Variants in ZPBP observed in about 807,000 individuals in gnomAD.
ZPBP encodes zona pellucida binding protein.
In ZPBP, 26 loss-of-function variants were observed where a neutral mutation model predicts 44.8. That is an observed-to-expected ratio of 0.58 (90% CI 0.43 to 0.81). The LOEUF is 0.81. Ranked by LOEUF, ZPBP falls within the 30% of genes least tolerant of loss-of-function variation. The pLI is 0.00. For missense variants in ZPBP, 409 were observed against 434.0 expected (o/e 0.94, Z 0.51); for synonymous variants, 174 against 153.2 (o/e 1.14, Z -1.00).
At chr7:49,908,869 A>G (rs1332962166) in intron 1 of ZPBP, among the ~76,000 whole-genome samples, 1 of 152,268 alleles carries the variant, frequency 6.6e-6, no homozygotes, top group Admixed American at 6.5e-5. Flanking sequence ...AAAGACTTCA[A>G]TGTGTTGCAA....
chr7:49,867,914 A>G (rs1421309836), intron 2 of ZPBP, among the ~76,000 whole-genome samples: 1 of 151,824 alleles, frequency 6.6e-6, no homozygotes, highest in East Asian at 1.9e-4. Context: ...GCTCACTGCA[A>G]TCTCCGCCTC....
intron 2 of ZPBP, among the ~76,000 whole-genome samples, chr7:49,854,398 C>T (rs188079116): frequency 0.096 from 14,554 of 151,888 alleles, 1,992 homozygotes; most frequent in African/African-American, 0.31. Context: ...TTTTAATGAT[C>T]GCTATTCTAA....
chr7:49,998,148 C>T (rs1797935565), intron 6 of ZPBP, among the ~76,000 whole-genome samples: 1 of 152,150 alleles, frequency 6.6e-6, no homozygotes. Flanking sequence ...AAACTCCTGA[C>T]TTCGTGATCC....
chr7:49,977,101 C>CTAAA (rs376730870), intron 7 of ZPBP, among the ~76,000 whole-genome samples: 19,109 of 138,414 alleles, frequency 0.14, 1,410 homozygotes, highest in South Asian at 0.18. Context: ...GACTCCGTCT[C>CTAAA]TAAATAAATA....
chr7:50,001,506 A>G (rs1392182150), intron 6 of ZPBP, among the ~76,000 whole-genome samples: 1 of 152,196 alleles, frequency 6.6e-6, no homozygotes. Context: ...GTATCTGGTA[A>G]TGCGAGGAAC....
intron 1 of ZPBP, among the ~76,000 whole-genome samples, chr7:49,903,512 C>A (rs565374405): frequency 6.6e-6 from 1 of 152,228 alleles, no homozygotes; most frequent in South Asian, 2.1e-4. Context: ...CTATATGATT[C>A]CACTTACGTA....
At chr7:50,048,668 T>C (rs897429080) in intron 4 of ZPBP, among the ~76,000 whole-genome samples, 3 of 151,820 alleles carry the variant, frequency 2.0e-5, no homozygotes, top group East Asian at 3.9e-4. Context: ...CCAAAACCTA[T>C]GGCATGCAGG....
At chr7:49,903,896 G>A (rs951610466) in intron 1 of ZPBP, among the ~76,000 whole-genome samples, 2 of 152,100 alleles carry the variant, frequency 1.3e-5, no homozygotes, top group Non-Finnish European at 2.9e-5. Context: ...TGGCAGATGC[G>A]CTGGATTTTA....
At chr7:50,033,684 T>G (rs1168726832) in intron 4 of ZPBP, among the ~76,000 whole-genome samples, 1 of 151,294 alleles carries the variant, frequency 6.6e-6, no homozygotes. Flanking sequence ...TACAGTTTAT[T>G]TATTTATTTA....
chr7:49,942,316 G>A (rs1483088), intron 7 of ZPBP: 167,919 of 224,386 alleles, frequency 0.75, 63,166 homozygotes, highest in East Asian at 0.88. Flanking sequence ...TTTTGTTCCC[G>A]CTTGTATTTT....
intron 2 of ZPBP, among the ~76,000 whole-genome samples, chr7:49,850,921 C>A (rs1446076536): frequency 6.6e-6 from 1 of 152,210 alleles, no homozygotes; most frequent in African/African-American, 2.4e-5. Flanking sequence ...GATTGTGGCA[C>A]CAGGCTCCAT....
intron 1 of ZPBP, chr7:49,920,458 A>G (rs1430438741): frequency 6.6e-6 from 1 of 152,202 alleles, no homozygotes; most frequent in Non-Finnish European, 1.5e-5. Flanking sequence ...GGTCTGATTA[A>G]AACAAAACAA....
chr7:49,873,895 ATATAAT>A (rs1386712081), intron 2 of ZPBP, among the ~76,000 whole-genome samples: 1 of 123,030 alleles, frequency 8.1e-6, no homozygotes, highest in Admixed American at 8.4e-5. Flanking sequence ...ATGTCAAAAC[ATATAAT>A]TAAGTAAAAA....
intron 2 of ZPBP, among the ~76,000 whole-genome samples, chr7:49,888,869 C>A (rs1792011984): frequency 6.6e-6 from 1 of 152,066 alleles, no homozygotes; most frequent in Non-Finnish European, 1.5e-5. Context: ...TGAGATCGCA[C>A]CATCACAGTC....
At chr7:50,060,475 G>T (rs1259780283) in intron 3 of ZPBP, among the ~76,000 whole-genome samples, 2 of 151,954 alleles carry the variant, frequency 1.3e-5, no homozygotes, top group East Asian at 1.9e-4. Flanking sequence ...AATGACAAAG[G>T]GGACATTACC....
rs976275357 is a variant in ZPBP at position 49,894,836 on chromosome 7, T to C, written n.509+6282A>G. Among the ~76,000 whole-genome samples the C allele has an allele frequency of 3.9e-4, 60 of 152,206 alleles. 2 individuals are homozygous for C. Among genetic ancestry groups the C allele is most frequent in the Non-Finnish European group, 2.9e-5 (2 of 68,036 alleles). On this transcript the variant is annotated intron_variant and non_coding_transcript_variant, in intron 2 of 2. Transcript: ENST00000465922. Reference sequence around the variant, plus strand: ...TACAGCCTTATCATCTGTTCAGCGCTAAGTGCAAGCACCTATCCTGGGCTA... The same window carrying C: ...TACAGCCTTATCATCTGTTCAGCGCCAAGTGCAAGCACCTATCCTGGGCTA...
At chr7:49,988,706 A>G (rs1044357043) in intron 6 of ZPBP, among the ~76,000 whole-genome samples, 1 of 152,196 alleles carries the variant, frequency 6.6e-6, no homozygotes, top group Admixed American at 6.5e-5. Context: ...AAACTCTGAC[A>G]GGCAGTCTCA....
In ZPBP at chr7:50,042,378, C is replaced by T. The variant is rs6972373; in HGVS notation, c.488-11068G>A. Among the ~76,000 whole-genome samples the T allele has an allele frequency of 4.6e-3, 696 of 152,210 alleles. 3 individuals are homozygous for T. Among genetic ancestry groups the T allele is most frequent in the African/African-American group, 0.016 (660 of 41,534 alleles). The stretch of plus-strand genomic sequence containing the variant: ...AACCCCAAGACACATAATTGTCAGA[C>T]TCACCGAAGGTTGAAACGAAGGAAA... On this transcript the variant is annotated intron_variant, in intron 4 of 7. Coordinates refer to ENST00000046087, the MANE Select transcript of ZPBP (RefSeq NM_007009.3).
chr7:49,874,483 A>G (rs2128724455), intron 2 of ZPBP, among the ~76,000 whole-genome samples: 1 of 152,256 alleles, frequency 6.6e-6, no homozygotes, highest in East Asian at 1.9e-4. Flanking sequence ...TCACATAACA[A>G]CAAGATCACA....
Sources: gnomAD v4.1 joint callset for allele counts (sites outside exome capture counted in the v4.1 genomes callset) on GRCh38, gnomAD v4.1.1 for gene constraint, MANE v1.5 for transcripts, NCBI Gene and HGNC (gene_info 2026-07-23, HGNC 2026-07-21) for gene names.